Variants in CNGB1 observed in about 807,000 individuals in gnomAD.
The protein encoded by CNGB1 is cyclic nucleotide-gated channel beta-1.
Under a neutral mutation model 151.7 loss-of-function variants are expected in CNGB1, and 126 were observed. That is an observed-to-expected ratio of 0.83 (90% confidence interval 0.72 to 0.96). The LOEUF is 0.96. Among genes scored for constraint, CNGB1 ranks in the 40% least tolerant of loss-of-function variants. The pLI, the probability that CNGB1 is intolerant of heterozygous loss-of-function variation, is 0.00. For missense variants in CNGB1, 1,698 were observed against 1,627.0 expected (o/e 1.04, Z -0.75); for synonymous variants, 623 against 635.1 (o/e 0.98, Z 0.29).
intron 12 of CNGB1, among the ~76,000 whole-genome samples, chr16:57,952,868 T>C (rs1961988232): frequency 6.6e-6 from 1 of 151,532 alleles, no homozygotes; most frequent in South Asian, 2.1e-4. Context: ...ATTTTACAGC[T>C]AAAGATTCTG....
chr16:57,917,889 T>C (rs1223326770), intron 20 of CNGB1, among the ~76,000 whole-genome samples: 4 of 152,060 alleles, frequency 2.6e-5, no homozygotes, highest in African/African-American at 9.7e-5. Context: ...ACTATGCTGG[T>C]ATTATAAGAT....
chr16:57,959,478 T>C (rs1962181211), intron 10 of CNGB1, among the ~76,000 whole-genome samples: 2 of 152,146 alleles, frequency 1.3e-5, no homozygotes, highest in East Asian at 3.9e-4. Context: ...GCCGGGCACC[T>C]GTAATCCCAG....
At position 57,931,743 on chromosome 16, in the gene CNGB1, A is replaced by T; in HGVS notation, c.1508T>A (p.Val503Asp). 6.2e-7 allele frequency: 1 copy of T among 1,614,142 alleles called. No individual in the cohort carries two copies. Residue 503 changes from valine (V) to aspartate (D), a missense_variant, in exon 17 of 33, where the codon GTC (valine) becomes GAC (aspartate). Transcript: ENST00000251102. ...GTGTGTCCCCGAGGCTGAGCTTGGG[A>T]CTATAAGGGTGTCTGATTTGGCAGG... ...PSPAKSDTLI[V>D]PSSASGTHRK...
intron 12 of CNGB1, among the ~76,000 whole-genome samples, chr16:57,952,012 C>T (rs542389666): frequency 1.3e-5 from 2 of 152,344 alleles, no homozygotes; most frequent in Admixed American, 1.3e-4. Flanking sequence ...AAGTGTGACC[C>T]TGAATCCGGT....
intron 27 of CNGB1, 76 bp downstream of exon 27, chr16:57,903,746 C>G (rs772045546): frequency 6.4e-7 from 1 of 1,566,312 alleles, no homozygotes; most frequent in Non-Finnish European, 8.8e-7. Context: ...GGGAGGCGCC[C>G]CGAAGGCATG....
rs752967885 is a variant in CNGB1 at position 57,901,407 on chromosome 16, A to C, written c.2921T>G (p.Met974Arg). 5.0e-6 allele frequency: 8 copies of C among 1,614,094 alleles called. No individual in the cohort carries two copies. In the East Asian group the frequency reaches 1.8e-4, roughly 36 times the overall value. ...GACAACAGAGCGAAGCCTCTTCAGC[A>C]TGTCAAAGATCATCTGCCGGTCACA... ...QGCDRQMIFD[M>R]LKRLRSVVYL... Residue 974 changes from methionine (M) to arginine (R), a missense_variant, in exon 29 of 33, where the codon ATG (methionine) becomes AGG (arginine). Physicochemically the swap from Met to Arg is moderately conservative, Grantham distance 91. Coordinates refer to ENST00000251102, the MANE Select transcript of CNGB1 (RefSeq NM_001297.5).
chr16:57,965,810 CAT>C (rs1224488785), intron 2 of CNGB1, among the ~76,000 whole-genome samples: 4 of 152,148 alleles, frequency 2.6e-5, no homozygotes, highest in Admixed American at 1.3e-4. Flanking sequence ...TGCACATAAA[CAT>C]ATGTGCAAAC....
intron 16 of CNGB1, 55 bp downstream of exon 16, chr16:57,939,375 C>T (rs1042784597): frequency 1.5e-5 from 24 of 1,612,196 alleles, no homozygotes; most frequent in Non-Finnish European, 2.0e-5. Context: ...TGCCTCCAGC[C>T]TAAAAGGACC....
At chr16:57,928,629 T>C (rs1317997068) in intron 17 of CNGB1, among the ~76,000 whole-genome samples, 1 of 152,166 alleles carries the variant, frequency 6.6e-6, no homozygotes, top group African/African-American at 2.4e-5. Context: ...GTTTCCATTA[T>C]ATTATCTATT....
intron 12 of CNGB1, among the ~76,000 whole-genome samples, chr16:57,950,796 G>T (rs1961930301): frequency 6.6e-6 from 1 of 152,212 alleles, no homozygotes; most frequent in South Asian, 2.1e-4. Flanking sequence ...CTTTGATTAT[G>T]GTTGATCCTG....
At chr16:57,932,059 G>A (rs1961370187) in intron 16 of CNGB1, among the ~76,000 whole-genome samples, 181 bp from the exon 17 acceptor site, 1 of 152,106 alleles carries the variant, frequency 6.6e-6, no homozygotes, top group Non-Finnish European at 1.5e-5. Context: ...GGTGCCTGGG[G>A]TCCTCTGAGG....
chr16:57,962,588 C>G lies in CNGB1; in HGVS notation c.435G>C (p.Glu145Asp). Residue 145 changes from glutamate to aspartate, a missense_variant, in exon 7 of 33, where the codon GAG becomes GAC. Transcript: ENST00000251102. ...GDTGCTDEPN[E>D]ALEAQDTRPG... ...ACCTAGTGTCTTGGGCCTCAAGGGCCTCATTGGGTTCATCTGTGCACCCTG... is the reference window on the plus strand; with the variant it reads ...ACCTAGTGTCTTGGGCCTCAAGGGCGTCATTGGGTTCATCTGTGCACCCTG... 1.9e-6 allele frequency: 3 copies of G among 1,614,100 alleles called. No homozygotes were observed. The highest frequency in any genetic ancestry group is 2.5e-6 in the Non-Finnish European group (3 of 1,179,980).
chr16:57,905,303 A>G (rs1960516656), intron 25 of CNGB1, among the ~76,000 whole-genome samples: 1 of 152,164 alleles, frequency 6.6e-6, no homozygotes, highest in South Asian at 2.1e-4. Context: ...TCAAGTTTGG[A>G]CGATATCTTG....
chr16:57,917,786 A>AC (rs1960917252), intron 20 of CNGB1, among the ~76,000 whole-genome samples: 1 of 141,698 alleles, frequency 7.1e-6, no homozygotes, highest in Non-Finnish European at 1.6e-5. Context: ...ACATAGCAAG[A>AC]CCCCCATCTC....
At chr16:57,951,406 C>T (rs761071543) in intron 12 of CNGB1, among the ~76,000 whole-genome samples, 1 of 152,132 alleles carries the variant, frequency 6.6e-6, no homozygotes, top group Non-Finnish European at 1.5e-5. Flanking sequence ...GGCTGGAGCG[C>T]ATTAGTGCAA....
In CNGB1 at chr16:57,884,477, A is replaced by G. The variant is rs767684787; in HGVS notation, c.3463-20T>C. ...CTTGGCCTGGAATCCAGAAAGGGTGACTCGTGAGGCACAGACTCTCGGAGG... is the reference window on the plus strand; with the variant it reads ...CTTGGCCTGGAATCCAGAAAGGGTGGCTCGTGAGGCACAGACTCTCGGAGG... On this transcript the variant is annotated intron_variant, in intron 32 of 32. Coordinates refer to ENST00000251102, the MANE Select transcript of CNGB1 (RefSeq NM_001297.5). 6.2e-7 allele frequency: 1 copy of G among 1,611,072 alleles called. No homozygotes were observed. The highest frequency in any genetic ancestry group is 1.7e-5 in the Admixed American group (1 of 59,800).
chr16:57,923,579 C>T (rs1961107633), intron 17 of CNGB1, among the ~76,000 whole-genome samples, 199 bp from the exon 18 acceptor site: 1 of 152,122 alleles, frequency 6.6e-6, no homozygotes. Flanking sequence ...CTCTCTAGAC[C>T]TCAGTCTTCC....
intron 18 of CNGB1, 64 bp downstream of exon 18, chr16:57,923,209 C>T: frequency 8.2e-7 from 1 of 1,224,816 alleles, no homozygotes; most frequent in Admixed American, 1.9e-5. Context: ...TCCACACTAG[C>T]CCCCCCACAT....
chr16:57,953,082 G>C (rs1023290161), intron 12 of CNGB1, among the ~76,000 whole-genome samples: 2 of 152,148 alleles, frequency 1.3e-5, no homozygotes, highest in African/African-American at 2.4e-5. Context: ...CAGGTGCTCA[G>C]GAGCTATGAG....
Sources: gnomAD v4.1 joint callset for allele counts (sites outside exome capture counted in the v4.1 genomes callset) on GRCh38, gnomAD v4.1.1 for gene constraint, MANE v1.5 for transcripts, NCBI Gene and HGNC (gene_info 2026-07-23, HGNC 2026-07-21) for gene names.